IQSEC2: variants seen among roughly 807,000 people sequenced by gnomAD.
IQSEC2 encodes the protein IQ motif and Sec7 domain ArfGEF 2.
Under a neutral mutation model 74.6 loss-of-function variants are expected in IQSEC2, and 6 were observed. That is an observed-to-expected ratio of 0.08 (90% CI 0.04 to 0.16). IQSEC2 has a LOEUF of 0.16. Among genes scored for constraint, IQSEC2 ranks in the 10% least tolerant of loss-of-function variants. The pLI, the probability that IQSEC2 is intolerant of heterozygous loss-of-function variation, is 1.00. For synonymous variants in IQSEC2, 494 were observed against 544.5 expected, an observed-to-expected ratio of 0.91 and a Z score of 1.29; for missense variants, 734 against 1,306.2, an observed-to-expected ratio of 0.56 and a Z score of 6.75.
intron 1 of IQSEC2, among the ~76,000 whole-genome samples, chrX:53,297,275 T>G (rs1485080579): frequency 1.8e-5 from 2 of 111,812 alleles, no homozygotes; most frequent in Non-Finnish European, 3.8e-5. Context: ...TATGACATAC[T>G]ATGATTACAT....
chrX:53,229,875 A>G (rs2074057031), downstream of IQSEC2: 1 of 111,742 alleles, frequency 8.9e-6, no homozygotes, highest in African/African-American at 3.3e-5. Context: ...GAAAGTGGTA[A>G]CTTTACAGTG....
At chrX:53,239,342 G>A (rs1427635820) in intron 10 of IQSEC2, 48 bp from the exon 11 acceptor site, 5 of 795,781 alleles carry the variant, frequency 6.3e-6, no homozygotes, top group Non-Finnish European at 9.4e-6. Flanking sequence ...TTGGGTGGGG[G>A]ATTTCCACGT....
At chrX:53,236,226 G>C (rs2074127195) in intron 13 of IQSEC2, 96 bp downstream of exon 13, 30 of 941,778 alleles carry the variant, frequency 3.2e-5, no homozygotes, top group Non-Finnish European at 4.3e-5. Flanking sequence ...GTGCATGTGT[G>C]GCAGGTGGAG....
intron 1 of IQSEC2, among the ~76,000 whole-genome samples, chrX:53,293,746 C>T (rs1275692259): frequency 8.9e-6 from 1 of 112,103 alleles, no homozygotes; most frequent in Non-Finnish European, 1.9e-5. Flanking sequence ...TCAAGGAGCT[C>T]GTGGACTGGC....
At chrX:53,297,604 G>A (rs1018928025) in intron 1 of IQSEC2, among the ~76,000 whole-genome samples, 1 of 111,820 alleles carries the variant, frequency 8.9e-6, no homozygotes, top group African/African-American at 3.2e-5. Flanking sequence ...TGGGATTACA[G>A]GCATGAGCCA....
At chrX:53,243,951 G>A (rs1271577500) in intron 8 of IQSEC2, among the ~76,000 whole-genome samples, 1 of 111,889 alleles carries the variant, frequency 8.9e-6, no homozygotes, top group African/African-American at 3.3e-5. Flanking sequence ...GGGGCATGGT[G>A]GCTCACGCCT....
intron 1 of IQSEC2, among the ~76,000 whole-genome samples, chrX:53,305,992 G>C (rs1026841218): frequency 8.9e-6 from 1 of 112,762 alleles, no homozygotes; most frequent in Non-Finnish European, 1.9e-5. Context: ...GTACTACAAT[G>C]ACAGAGAGAG....
At chrX:53,269,885 C>T (rs1556868337) in intron 2 of IQSEC2, among the ~76,000 whole-genome samples, 1 of 110,742 alleles carries the variant, frequency 9.0e-6, no homozygotes, top group African/African-American at 3.3e-5. Flanking sequence ...TGTGAGCCCA[C>T]CCCCACTGCT....
chrX:53,291,642 T>C (rs782017974), intron 2 of IQSEC2, among the ~76,000 whole-genome samples: 2 of 111,318 alleles, frequency 1.8e-5, no homozygotes, highest in East Asian at 2.8e-4. Context: ...TGAGCCCCTA[T>C]GGTGTTCAGC....
intron 10 of IQSEC2, among the ~76,000 whole-genome samples, chrX:53,240,662 G>A (rs1422860102): frequency 1.8e-5 from 2 of 112,264 alleles, no homozygotes; most frequent in African/African-American, 6.5e-5. Flanking sequence ...GGCCATCTAG[G>A]AAGCTGGACC....
chrX:53,247,025 G>A lies in IQSEC2; in HGVS notation c.2693C>T (p.Pro898Leu). Reference sequence around the variant, plus strand: ...CATCTTTCGTTCAGCTTTGACGCTGGGACTGTACATGTCGGTATTGAGGAG... The same window carrying A: ...CATCTTTCGTTCAGCTTTGACGCTGAGACTGTACATGTCGGTATTGAGGAG... ...IILLNTDMYS[P>L]SVKAERKMKL... Residue 898 changes from proline (P) to leucine (L), a missense_variant, in exon 8 of 15, where the codon CCC (proline) becomes CTC (leucine). Coordinates refer to ENST00000642864, the MANE Select transcript of IQSEC2 (RefSeq NM_001111125.3). The A allele has an allele frequency of 8.3e-7, 1 of 1,210,370 alleles. No individual in the cohort carries two copies.
chrX:53,234,846 T>C lies in IQSEC2; in HGVS notation c.3840A>G (p.Pro1280=), dbSNP rs1166449310. 2 of 879,549 alleles carry C rather than the reference T, an allele frequency of 2.3e-6. No homozygotes were observed. The highest frequency in any genetic ancestry group is 5.5e-5 in the African/African-American group (2 of 36,097). The allele number at this position is 879,549 out of a possible 1,213,427, so 72.5% of individuals were successfully genotyped here. The change falls in exon 15 of 15, where the codon CCA becomes CCG. Residue 1280 remains proline, a synonymous_variant. Coordinates refer to ENST00000642864, the MANE Select transcript of IQSEC2 (RefSeq NM_001111125.3). ...AGGGCTGCTGGGGTGGGAGGTAGGG[T>C]GGCGGGGCAGGGCCCGGTCCTTGGC... is the stretch of plus-strand genomic sequence containing the variant. ...QYCQGPGPAP[P]PYLPPQQPSL...
intron 4 of IQSEC2, among the ~76,000 whole-genome samples, chrX:53,252,663 C>T (rs782490029): frequency 9.8e-5 from 11 of 111,696 alleles, no homozygotes; most frequent in Non-Finnish European, 1.7e-4. Context: ...ACAGCTTGAC[C>T]GCAGCCTCAT....
intron 2 of IQSEC2, 117 bp from the exon 3 acceptor site, chrX:53,256,178 C>A: frequency 4.0e-6 from 3 of 746,957 alleles, no homozygotes; most frequent in Non-Finnish European, 3.8e-6. Flanking sequence ...CCAGCTTCCT[C>A]ACAGATATAG....
chrX:53,273,765 C>T (rs1193801894), intron 2 of IQSEC2, among the ~76,000 whole-genome samples: 1 of 111,944 alleles, frequency 8.9e-6, no homozygotes, highest in Non-Finnish European at 1.9e-5. Flanking sequence ...CGAGTATATA[C>T]AGAGCTACCT....
At chrX:53,243,274 C>T (rs1169316006) in intron 9 of IQSEC2, 58 bp downstream of exon 9, 1 of 1,055,491 alleles carries the variant, frequency 9.5e-7, no homozygotes, top group South Asian at 2.0e-5. Flanking sequence ...TGACTTACCA[C>T]TTAGTGGCAG....
chrX:53,298,681 G>A (rs1029439541), intron 1 of IQSEC2, among the ~76,000 whole-genome samples: 29 of 111,353 alleles, frequency 2.6e-4, no homozygotes, highest in African/African-American at 8.8e-4. Context: ...CCTTCCTGCT[G>A]TTCCCTCCAT....
intron 2 of IQSEC2, among the ~76,000 whole-genome samples, chrX:53,259,807 AAAAC>A (rs1320448940): frequency 2.7e-5 from 3 of 111,082 alleles, no homozygotes; most frequent in African/African-American, 9.8e-5. Flanking sequence ...CTCAAAAACA[AAAAC>A]AAAAACAAAA....
At chrX:53,272,185 C>T (rs781841064) in intron 2 of IQSEC2, among the ~76,000 whole-genome samples, 145 of 111,067 alleles carry the variant, frequency 1.3e-3, no homozygotes, top group African/African-American at 4.4e-3. Flanking sequence ...CAAATTCCTT[C>T]CTCTGGGCTT....
Sources: gnomAD v4.1 joint callset for allele counts (sites outside exome capture counted in the v4.1 genomes callset) on GRCh38, gnomAD v4.1.1 for gene constraint, MANE v1.5 for transcripts, NCBI Gene and HGNC (gene_info 2026-07-23, HGNC 2026-07-21) for gene names.